TBPL1: variants seen among roughly 807,000 people sequenced by gnomAD.
TBPL1 encodes TATA-box binding protein like 1.
A neutral mutation model predicts 22.1 loss-of-function variants in TBPL1; 4 were observed. The observed-to-expected ratio is 0.18, with a 90% confidence interval of 0.09 to 0.41. The LOEUF is 0.41. Ranked by LOEUF, TBPL1 falls within the 10% of genes least tolerant of loss-of-function variation. TBPL1 has a pLI of 1.00. For synonymous variants in TBPL1, 64 were observed against 71.0 expected (o/e 0.90, Z 0.50); for missense variants, 115 against 222.3 (o/e 0.52, Z 3.07).
chr6:133,987,315 G>T lies in TBPL1; in HGVS notation c.*275G>T. On this transcript the variant is annotated 3_prime_UTR_variant, in exon 7 of 7. Coordinates refer to ENST00000237264, the MANE Select transcript of TBPL1 (RefSeq NM_004865.4). ...TGTCCCCATAAGCAGAGCTGTCACA[G>T]TGTGCACTACCTTAGATTGTTTTAT... The T allele has an allele frequency of 4.3e-6, 1 of 233,498 alleles. No individual in the cohort carries two copies. The highest frequency in any genetic ancestry group is 8.3e-6 in the Non-Finnish European group (1 of 120,036). The allele number at this position is 233,498 out of a possible 1,614,324, so 14.5% of individuals were successfully genotyped here. A position where few individuals can be genotyped will look rare whatever the true frequency, so the allele number is the denominator to read the frequency against.
rs1776538191 is a variant in TBPL1 at position 133,987,000 on chromosome 6, T to C, written c.521T>C (p.Ile174Thr). 6.2e-7 allele frequency: 1 copy of C among 1,610,202 alleles called. No individual in the cohort carries two copies. Among genetic ancestry groups the C allele is most frequent in the East Asian group, 2.2e-5 (1 of 44,664 alleles). Residue 174 changes from isoleucine to threonine, a missense_variant, in exon 7 of 7, where the codon ATT becomes ACT. Physicochemically the swap from Ile to Thr is moderately conservative, Grantham distance 89 (BLOSUM62 -1). Coordinates refer to ENST00000237264, the MANE Select transcript of TBPL1 (RefSeq NM_004865.4). ...GCTGTTGCTACTGCTGTGGAACAGA[T>C]TTACCCATTTGTGTTTGAAAGCAGG... ...VKAVATAVEQ[I>T]YPFVFESRKE...
chr6:133,961,714 T>C (rs9493773), intron 1 of TBPL1, among the ~76,000 whole-genome samples: 20,509 of 152,116 alleles, frequency 0.13, 1,856 homozygotes, highest in African/African-American at 0.27. Flanking sequence ...TCCATGCGCC[T>C]TGGCCTCCCA....
chr6:133,963,512 C>T (rs1776059290), intron 1 of TBPL1, among the ~76,000 whole-genome samples: 1 of 152,180 alleles, frequency 6.6e-6, no homozygotes, highest in Admixed American at 6.5e-5. Context: ...GCAGCCTTGA[C>T]CTCCCAGGCT....
chr6:133,964,744 G>A (rs1489641307), intron 1 of TBPL1, among the ~76,000 whole-genome samples: 2 of 152,008 alleles, frequency 1.3e-5, no homozygotes, highest in Non-Finnish European at 2.9e-5. Context: ...CACCATGCCC[G>A]GCCGAACTCT....
intron 1 of TBPL1, among the ~76,000 whole-genome samples, chr6:133,975,275 A>G (rs1776294398): frequency 6.6e-6 from 1 of 152,160 alleles, no homozygotes; most frequent in Admixed American, 6.5e-5. Flanking sequence ...TAAGACAACC[A>G]TGAAGAATTG....
intron 1 of TBPL1, among the ~76,000 whole-genome samples, chr6:133,974,311 T>C (rs748087872): frequency 1.3e-5 from 2 of 152,092 alleles, no homozygotes; most frequent in African/African-American, 2.4e-5. Flanking sequence ...TTGCCATATA[T>C]CATCTTATTA....
At chr6:133,966,222 G>A (rs1007356592) in intron 1 of TBPL1, among the ~76,000 whole-genome samples, 7 of 152,144 alleles carry the variant, frequency 4.6e-5, no homozygotes, top group Non-Finnish European at 2.9e-5. Flanking sequence ...TGGGAACTAC[G>A]CCAAGGCTGG....
Position 133,989,967 on chromosome 6 carries a change from G to C in TBPL1, c.*2927G>C, listed in dbSNP as rs1224093466. ...ATATTAGTAATTTAATATGTTATTT[G>C]GTTCAAGATTTGATTGTGGATTTTC... On this transcript the variant is annotated 3_prime_UTR_variant, in exon 7 of 7. Transcript: ENST00000237264. 6.6e-6 allele frequency: 1 copy of C among 152,150 alleles called. No individual in the cohort carries two copies. Among genetic ancestry groups the C allele is most frequent in the Non-Finnish European group, 1.5e-5 (1 of 68,018 alleles). 9.4% of individuals were successfully genotyped at this position (152,150 alleles called of 1,614,324 possible).
At chr6:133,963,686 G>A (rs912505914) in intron 1 of TBPL1, among the ~76,000 whole-genome samples, 1 of 151,976 alleles carries the variant, frequency 6.6e-6, no homozygotes, top group Non-Finnish European at 1.5e-5. Flanking sequence ...CTCCCAAAGT[G>A]CTGGGATTAC....
At chr6:133,968,154 A>G (rs1776153448) in intron 1 of TBPL1, among the ~76,000 whole-genome samples, 1 of 151,854 alleles carries the variant, frequency 6.6e-6, no homozygotes, top group Admixed American at 6.6e-5. Context: ...ACGCCCAGCT[A>G]ATTTTTGTAT....
At chr6:133,979,730 T>A (rs1238180570) in intron 1 of TBPL1, among the ~76,000 whole-genome samples, 1 of 152,180 alleles carries the variant, frequency 6.6e-6, no homozygotes, top group Non-Finnish European at 1.5e-5. Context: ...CACTGCAACC[T>A]CCGCCTCCCA....
At position 133,990,112 on chromosome 6, in the gene TBPL1, C is replaced by T. The variant is rs1347588990; in HGVS notation, c.*3072C>T. The T allele has an allele frequency of 6.6e-6, 1 of 152,618 alleles. No individual in the cohort carries two copies. Among genetic ancestry groups the T allele is most frequent in the Non-Finnish European group, 1.5e-5 (1 of 68,036 alleles). The allele number at this position is 152,618 out of a possible 1,614,324, so 9.5% of individuals were successfully genotyped here. A position where few individuals can be genotyped will look rare whatever the true frequency, so the allele number is the denominator to read the frequency against. Reference sequence around the variant, plus strand: ...CCACGTTGCTGGTACAGGTGGCCATCATAGAAAAGAACATGAGGGAATTGT... The same window carrying T: ...CCACGTTGCTGGTACAGGTGGCCATTATAGAAAAGAACATGAGGGAATTGT... On this transcript the variant is annotated 3_prime_UTR_variant, in exon 7 of 7. Coordinates refer to ENST00000237264, the MANE Select transcript of TBPL1 (RefSeq NM_004865.4).
intron 1 of TBPL1, among the ~76,000 whole-genome samples, chr6:133,969,627 A>G (rs1776184046): frequency 6.6e-6 from 1 of 152,160 alleles, no homozygotes; most frequent in Non-Finnish European, 1.5e-5. Context: ...TGGCCAGGCA[A>G]ACTTGGTAAA....
rs370620364 is a variant in TBPL1 at position 133,969,613 on chromosome 6, T to C, written c.-44-10469T>C. On this transcript the variant is annotated intron_variant, in intron 1 of 6. Transcript: ENST00000237264. ...TTTTTCTTTGGAAGATTCAAGGTTT[T>C]TTATGGCCAGGCAAACTTGGTAAAA... 2.0e-5 allele frequency among the ~76,000 whole-genome samples: 3 copies of C among 152,218 alleles called. No individual in the cohort carries two copies. In the East Asian group the frequency reaches 5.8e-4, roughly 29 times the overall value.
intron 1 of TBPL1, among the ~76,000 whole-genome samples, chr6:133,958,967 A>T (rs1395016884): frequency 1.3e-5 from 2 of 152,134 alleles, no homozygotes; most frequent in East Asian, 3.9e-4. Context: ...AGAGGAAATG[A>T]TCATGACTGT....
At chr6:133,962,616 G>C (rs996716307) in intron 1 of TBPL1, among the ~76,000 whole-genome samples, 2 of 152,172 alleles carry the variant, frequency 1.3e-5, no homozygotes, top group African/African-American at 4.8e-5. Context: ...ATAGATGATT[G>C]GGAATATGGA....
At chr6:133,984,763 C>G (rs1776478243) in intron 6 of TBPL1, 92 bp downstream of exon 6, 1 of 1,120,118 alleles carries the variant, frequency 8.9e-7, no homozygotes, top group Admixed American at 2.0e-5. Context: ...TGATTTGTTC[C>G]TTTCAGTCAC....
chr6:133,969,137 T>C (rs959129461), intron 1 of TBPL1, among the ~76,000 whole-genome samples: 2 of 152,184 alleles, frequency 1.3e-5, no homozygotes, highest in Non-Finnish European at 2.9e-5. Flanking sequence ...ATGTAAACCA[T>C]TGAACTTATC....
intron 1 of TBPL1, among the ~76,000 whole-genome samples, chr6:133,966,247 G>T (rs1258170792): frequency 6.6e-6 from 1 of 152,164 alleles, no homozygotes; most frequent in Non-Finnish European, 1.5e-5. Context: ...CAGAAATAAA[G>T]AAGATTTGAT....
Sources: gnomAD v4.1 joint callset for allele counts (sites outside exome capture counted in the v4.1 genomes callset) on GRCh38, gnomAD v4.1.1 for gene constraint, MANE v1.5 for transcripts, NCBI Gene and HGNC (gene_info 2026-07-23, HGNC 2026-07-21) for gene names.